Variants in FOXP4 observed in about 807,000 individuals in gnomAD.
FOXP4 encodes the protein forkhead box P4, also known as forkhead box protein P4.
In FOXP4, 25 loss-of-function variants were observed where a neutral mutation model predicts 82.6. That is an observed-to-expected ratio of 0.30 (90% CI 0.22 to 0.42). FOXP4 has a LOEUF of 0.42. FOXP4 is among the 10% of genes least tolerant of loss of function. The pLI, the probability that FOXP4 is intolerant of heterozygous loss-of-function variation, is 1.00. For missense variants in FOXP4, 785 were observed against 900.9 expected, an observed-to-expected ratio of 0.87 and a Z score of 1.65; for synonymous variants, 415 against 388.2, an observed-to-expected ratio of 1.07 and a Z score of -0.81.
chr6:41,588,383 C>T (rs1206907065), intron 8 of FOXP4, among the ~76,000 whole-genome samples: 1 of 152,218 alleles, frequency 6.6e-6, no homozygotes, highest in Non-Finnish European at 1.5e-5. Context: ...ATTGTTTTCA[C>T]GCTTCGTCAG....
chr6:41,599,081 G>C lies in FOXP4; in HGVS notation c.*145G>C, dbSNP rs761181458. 78 of 1,170,734 alleles carry C rather than the reference G, an allele frequency of 6.7e-5. No individual in the cohort carries two copies. Among genetic ancestry groups the C allele is most frequent in the Non-Finnish European group, 8.2e-5 (70 of 849,552 alleles). 72.5% of individuals were successfully genotyped at this position (1,170,734 alleles called of 1,614,324 possible). ...GAGGCCCGGGCCAGCAGCTCCCAGT[G>C]TGACCTGACAAAAACACGTAGGGGC... On this transcript the variant is annotated 3_prime_UTR_variant, in exon 17 of 17. Transcript: ENST00000307972.
intron 2 of FOXP4, among the ~76,000 whole-genome samples, chr6:41,574,307 G>C (rs576025713): frequency 5.3e-5 from 8 of 152,342 alleles, no homozygotes; most frequent in Non-Finnish European, 2.9e-5. Context: ...TGAGCAGTCA[G>C]AGGTGTTTGG....
chr6:41,572,148 G>A (rs1324286017), intron 2 of FOXP4, among the ~76,000 whole-genome samples: 2 of 152,068 alleles, frequency 1.3e-5, no homozygotes, highest in African/African-American at 4.8e-5. Context: ...CTCTTCTCTT[G>A]GCCACACTGG....
At position 41,589,819 on chromosome 6, in the gene FOXP4, A is replaced by T; in HGVS notation, c.1114A>T (p.Met372Leu). 1 of 1,610,956 alleles carries T rather than the reference A, an allele frequency of 6.2e-7. No homozygotes were observed. The highest frequency in any genetic ancestry group is 8.5e-7 in the Non-Finnish European group (1 of 1,179,912). ...GCAGGCCATGATGGCCCACCTGCAC[A>T]TGCGGCCCTCGGAGCCCAAGCCCTT... The part of the protein sequence containing the change: ...RLQAMMAHLH[M>L]RPSEPKPFSQ... The change falls in exon 10 of 17, where the codon ATG becomes TTG. Residue 372 changes from methionine to leucine, a missense_variant. Coordinates refer to ENST00000307972, the MANE Select transcript of FOXP4 (RefSeq NM_001012426.2).
intron 1 of FOXP4, among the ~76,000 whole-genome samples, chr6:41,560,552 G>A (rs557993323): frequency 6.6e-6 from 1 of 152,352 alleles, no homozygotes; most frequent in Admixed American, 6.5e-5. Context: ...GCTCCCGGCA[G>A]GACGCGCGCC....
chr6:41,592,527 C>T (rs1167578236), intron 13 of FOXP4, among the ~76,000 whole-genome samples: 3 of 152,154 alleles, frequency 2.0e-5, no homozygotes, highest in Non-Finnish European at 4.4e-5. Context: ...CAAGTCAGTT[C>T]AGATACCAGG....
rs754336405 is a variant in FOXP4 at position 41,597,847 on chromosome 6, A to G, written c.1792A>G (p.Ser598Gly). Residue 598 changes from serine (S) to glycine (G), a missense_variant, in exon 16 of 17, where the codon AGC becomes GGC. Transcript: ENST00000307972. ...SPGMLNPGSA[S>G]SLLPLSHDDV... ...TGGCATGCTGAACCCTGGCTCCGCC[A>G]GCAGCCTGCTGCCCCTCAGCCACGA... 64 of 1,602,898 alleles carry G rather than the reference A, an allele frequency of 4.0e-5. No homozygotes were observed. Among genetic ancestry groups the G allele is most frequent in the Non-Finnish European group, 5.2e-5 (61 of 1,178,052 alleles).
chr6:41,599,231 AGCAGGGCCCTCCTCCCC>A lies in FOXP4; in HGVS notation c.*296_*312del. ...CTGCCTCCCCCCAACCACCAGCAGC[AGCAGGGCCCTCCTCCCC>A]CACCAGCTCTCCCCACAGGGCCCCT... On this transcript the variant is annotated 3_prime_UTR_variant, in exon 17 of 17. Transcript: ENST00000307972. 3.9e-6 allele frequency: 1 copy of A among 258,442 alleles called. No individual in the cohort carries two copies. Among genetic ancestry groups the A allele is most frequent in the South Asian group, 1.0e-4 (1 of 9,882 alleles). 16.0% of individuals were successfully genotyped at this position (258,442 alleles called of 1,614,324 possible). A position where few individuals can be genotyped will look rare whatever the true frequency, so the allele number is the denominator to read the frequency against.
chr6:41,599,026 C>T lies in FOXP4; in HGVS notation c.*90C>T, dbSNP rs1767063012. 1.4e-6 allele frequency: 2 copies of T among 1,445,930 alleles called. No homozygotes were observed. The highest frequency in any genetic ancestry group is 1.5e-5 in the South Asian group (1 of 67,322). The allele number at this position is 1,445,930 out of a possible 1,614,324, so 89.6% of individuals were successfully genotyped here. A position where few individuals can be genotyped will look rare whatever the true frequency, so the allele number is the denominator to read the frequency against. On this transcript the variant is annotated 3_prime_UTR_variant, in exon 17 of 17. Coordinates refer to ENST00000307972, the MANE Select transcript of FOXP4 (RefSeq NM_001012426.2). ...CCCCAACTCCACAGCCCCTCCCGAGCCTCAAGGCAAGTCCAGGACTCAGAC... is the reference window on the plus strand; with the variant it reads ...CCCCAACTCCACAGCCCCTCCCGAGTCTCAAGGCAAGTCCAGGACTCAGAC...
At chr6:41,598,007 AGG>A in intron 16 of FOXP4, 57 bp downstream of exon 16, 1 of 1,262,448 alleles carries the variant, frequency 7.9e-7, no homozygotes, top group Non-Finnish European at 1.0e-6. Flanking sequence ...ACCAGGGAGG[AGG>A]CGTCATCCCC....
chr6:41,565,525 C>G (rs1187333901), intron 1 of FOXP4, among the ~76,000 whole-genome samples: 1 of 152,154 alleles, frequency 6.6e-6, no homozygotes, highest in Non-Finnish European at 1.5e-5. Flanking sequence ...TCCTAGAAGT[C>G]AAGAAAACAT....
At chr6:41,588,563 G>A in intron 8 of FOXP4, 81 bp from the exon 9 acceptor site, 3 of 1,353,816 alleles carry the variant, frequency 2.2e-6, no homozygotes, top group Non-Finnish European at 3.2e-6. Flanking sequence ...GGCCATGGGT[G>A]GGATTAGAGG....
At chr6:41,555,164 T>C (rs1247669439) in intron 1 of FOXP4, among the ~76,000 whole-genome samples, 2 of 151,898 alleles carry the variant, frequency 1.3e-5, no homozygotes, top group African/African-American at 4.8e-5. Flanking sequence ...GAGGATCACT[T>C]AAGCCAAGGA....
intron 1 of FOXP4, among the ~76,000 whole-genome samples, chr6:41,562,962 A>C (rs774901516): frequency 1.3e-5 from 2 of 152,190 alleles, no homozygotes; most frequent in Admixed American, 1.3e-4. Flanking sequence ...TTTCACCGCC[A>C]CTAGCCCTCA....
intron 1 of FOXP4, among the ~76,000 whole-genome samples, chr6:41,564,636 C>T (rs1330129910): frequency 6.6e-6 from 1 of 152,154 alleles, no homozygotes. Context: ...GGGTATGTAA[C>T]CTAACTCTCT....
chr6:41,586,897 A>C lies in FOXP4; in HGVS notation c.511-112A>C, dbSNP rs1357501534. 4.2e-6 allele frequency: 6 copies of C among 1,436,658 alleles called. No individual in the cohort carries two copies. The East Asian group carries it at 1.5e-4, about 35-fold the overall frequency. The allele number at this position is 1,436,658 out of a possible 1,614,324, so 89.0% of individuals were successfully genotyped here. A position where few individuals can be genotyped will look rare whatever the true frequency, so the allele number is the denominator to read the frequency against. On this transcript the variant is annotated intron_variant, in intron 5 of 16. Transcript: ENST00000307972. The stretch of plus-strand genomic sequence containing the variant: ...CTGCAGCTGCAGACGCCACAACGAC[A>C]GCTCCAGGGGCTGACAGGCCCTGGG...
At chr6:41,582,538 T>C (rs1184399549) in intron 3 of FOXP4, among the ~76,000 whole-genome samples, 1 of 152,230 alleles carries the variant, frequency 6.6e-6, no homozygotes, top group Admixed American at 6.5e-5. Context: ...TGCACCAAGA[T>C]GCCTCTCTTT....
At chr6:41,572,490 A>G (rs1238489828) in intron 2 of FOXP4, among the ~76,000 whole-genome samples, 1 of 152,238 alleles carries the variant, frequency 6.6e-6, no homozygotes, top group East Asian at 1.9e-4. Flanking sequence ...TTGTTAAATT[A>G]ATAGTCATGC....
intron 16 of FOXP4, among the ~76,000 whole-genome samples, chr6:41,598,430 C>T (rs1047113022): frequency 9.9e-5 from 15 of 152,228 alleles, no homozygotes; most frequent in African/African-American, 3.1e-4. Flanking sequence ...GCTGGCCAGG[C>T]TGGTCTCGAC....
Sources: gnomAD v4.1 joint callset for allele counts (sites outside exome capture counted in the v4.1 genomes callset) on GRCh38, gnomAD v4.1.1 for gene constraint, MANE v1.5 for transcripts, NCBI Gene and HGNC (gene_info 2026-07-23, HGNC 2026-07-21) for gene names.